Variants in NIPAL2 observed in about 807,000 individuals in gnomAD.
The protein encoded by NIPAL2 is NIPA like domain containing 2.
Under a neutral mutation model 48.9 loss-of-function variants are expected in NIPAL2, and 43 were observed. The ratio of observed to expected loss-of-function variants is 0.88; its 90% CI spans 0.69 to 1.13. NIPAL2 has a LOEUF of 1.13. NIPAL2 is among the 50% of genes most tolerant of loss of function. The pLI is 0.00. For synonymous variants in NIPAL2, 167 were observed against 174.6 expected, an observed-to-expected ratio of 0.96 and a Z score of 0.34; for missense variants, 446 against 461.4, an observed-to-expected ratio of 0.97 and a Z score of 0.31.
intron 1 of NIPAL2, among the ~76,000 whole-genome samples, chr8:98,282,731 A>G (rs1815916966): frequency 6.6e-6 from 1 of 152,168 alleles, no homozygotes; most frequent in South Asian, 2.1e-4. Flanking sequence ...ATTGGAGACA[A>G]TCTGAACTAC....
At position 98,191,821 on chromosome 8, in the gene NIPAL2, A is replaced by G. The variant is rs1586276153; in HGVS notation, c.*1157T>C. ...TGTGATGAATTGGAGTGGAAAAGCC[A>G]TTCAGGAAACAGGAGGACTTGGGCT... On this transcript the variant is annotated 3_prime_UTR_variant, in exon 11 of 11. Transcript: ENST00000430223. 6.6e-6 allele frequency: 1 copy of G among 152,344 alleles called. No homozygotes were observed. Among genetic ancestry groups the G allele is most frequent in the East Asian group, 1.9e-4 (1 of 5,188 alleles). 9.4% of individuals were successfully genotyped at this position (152,344 alleles called of 1,614,324 possible).
intron 1 of NIPAL2, among the ~76,000 whole-genome samples, chr8:98,264,911 T>C (rs1814610641): frequency 6.6e-6 from 1 of 151,014 alleles, no homozygotes; most frequent in Non-Finnish European, 1.5e-5. Flanking sequence ...CAAAACAGCA[T>C]GGTACTGGTA....
intron 5 of NIPAL2, among the ~76,000 whole-genome samples, chr8:98,217,681 C>T (rs941007079): frequency 1.3e-5 from 2 of 152,078 alleles, no homozygotes; most frequent in African/African-American, 2.4e-5. Context: ...AATTAGATTA[C>T]AAATGAATAT....
intron 1 of NIPAL2, among the ~76,000 whole-genome samples, chr8:98,262,583 C>A (rs1193479555): frequency 2.0e-5 from 3 of 150,340 alleles, no homozygotes; most frequent in African/African-American, 7.3e-5. Flanking sequence ...AGCTAACTAT[C>A]CTAAATATAT....
chr8:98,273,254 T>G (rs987580183), intron 1 of NIPAL2, among the ~76,000 whole-genome samples: 3 of 152,164 alleles, frequency 2.0e-5, no homozygotes, highest in Non-Finnish European at 2.9e-5. Context: ...AGTGGAAGAA[T>G]TCAGTAACAA....
intron 7 of NIPAL2, among the ~76,000 whole-genome samples, chr8:98,204,847 G>A (rs1011122931): frequency 6.6e-6 from 1 of 151,820 alleles, no homozygotes; most frequent in Non-Finnish European, 1.5e-5. Context: ...AAGCAGAAGA[G>A]CATCAGGAAA....
chr8:98,242,189 C>CT lies in NIPAL2; in HGVS notation c.377-5976dup, dbSNP rs201820079. Among the ~76,000 whole-genome samples, 142 of 151,904 alleles carry CT rather than the reference C, an allele frequency of 9.3e-4. 3 individuals are homozygous for CT. The East Asian group carries it at 0.018, about 19-fold the overall frequency. ...CCTAAAAGAGTAGATTTTAAAAGTT[C>CT]TTTTTTTTGAGACAGGGTCTCCTTC... On this transcript the variant is annotated intron_variant, in intron 3 of 10. Coordinates refer to ENST00000430223, the MANE Select transcript of NIPAL2 (RefSeq NM_001321635.2).
intron 2 of NIPAL2, among the ~76,000 whole-genome samples, chr8:98,253,047 C>T (rs545789579): frequency 2.0e-5 from 3 of 152,144 alleles, no homozygotes; most frequent in Non-Finnish European, 4.4e-5. Context: ...CTCCCTGTCC[C>T]TTGGTCATTC....
In NIPAL2 at chr8:98,253,985, T is replaced by A. The variant is rs559435924; in HGVS notation, c.204+34A>T. 5.5e-6 allele frequency: 8 copies of A among 1,465,520 alleles called. No homozygotes were observed. In the South Asian group the frequency reaches 9.2e-5, roughly 17 times the overall value. 90.8% of individuals were successfully genotyped at this position (1,465,520 alleles called of 1,614,324 possible). On this transcript the variant is annotated intron_variant, in intron 2 of 10. Transcript: ENST00000430223. ...GAGTCATAATGTGTCCCTGGATCAA[T>A]CTATAGTGTTAGAAAAATAAGCTTT...
At chr8:98,233,722 G>A (rs771133228) in intron 4 of NIPAL2, among the ~76,000 whole-genome samples, 14 of 152,180 alleles carry the variant, frequency 9.2e-5, no homozygotes, top group Non-Finnish European at 1.3e-4. Context: ...AAAATAAACT[G>A]TACATATTGA....
intron 1 of NIPAL2, among the ~76,000 whole-genome samples, chr8:98,272,499 G>T (rs747832595): frequency 6.6e-6 from 1 of 151,984 alleles, no homozygotes; most frequent in Non-Finnish European, 1.5e-5. Flanking sequence ...TATTAGAAAT[G>T]GCCTATTATT....
chr8:98,198,860 T>A (rs1321828971), intron 8 of NIPAL2, among the ~76,000 whole-genome samples: 1 of 152,240 alleles, frequency 6.6e-6, no homozygotes, highest in Non-Finnish European at 1.5e-5. Flanking sequence ...TTCCTTTATA[T>A]CAGTGATAAG....
At chr8:98,280,696 G>C (rs1359808727) in intron 1 of NIPAL2, among the ~76,000 whole-genome samples, 1 of 139,226 alleles carries the variant, frequency 7.2e-6, no homozygotes, top group East Asian at 2.2e-4. Context: ...TAGGGGTAAA[G>C]ATTTATAACA....
intron 1 of NIPAL2, among the ~76,000 whole-genome samples, chr8:98,292,742 T>A (rs1373313086): frequency 6.6e-6 from 1 of 151,368 alleles, no homozygotes; most frequent in South Asian, 2.1e-4. Context: ...TTTTTTTTTT[T>A]AATCAAGAGG....
chr8:98,206,680 C>T (rs1439061756), intron 6 of NIPAL2, among the ~76,000 whole-genome samples: 2 of 150,104 alleles, frequency 1.3e-5, no homozygotes, highest in African/African-American at 2.5e-5. Context: ...CCCAGCTACT[C>T]GGGAGGCTGA....
intron 1 of NIPAL2, among the ~76,000 whole-genome samples, chr8:98,280,757 T>TAGAGAGAGAGAGAG (rs1225269994): frequency 2.4e-4 from 7 of 29,314 alleles, no homozygotes; most frequent in Admixed American, 4.1e-4. Flanking sequence ...TATATATATA[T>TAGAGAGAGAGAGAG]ATATAGAGAG....
intron 1 of NIPAL2, among the ~76,000 whole-genome samples, chr8:98,259,070 C>CTTTTTT (rs869220202): frequency 7.6e-4 from 32 of 41,862 alleles, no homozygotes; most frequent in East Asian, 1.7e-3. Flanking sequence ...TTAAATATTC[C>CTTTTTT]TTTTTTTTTT....
rs866731545 is a variant in NIPAL2 at position 98,191,659 on chromosome 8, T to G, written c.*1319A>C. The G allele has an allele frequency of 6.6e-6, 1 of 152,260 alleles. No homozygotes were observed. The highest frequency in any genetic ancestry group is 2.4e-5 in the African/African-American group (1 of 41,474). The allele number at this position is 152,260 out of a possible 1,614,324, so 9.4% of individuals were successfully genotyped here. On this transcript the variant is annotated 3_prime_UTR_variant, in exon 11 of 11. Coordinates refer to ENST00000430223, the MANE Select transcript of NIPAL2 (RefSeq NM_001321635.2). Reference sequence around the variant, plus strand: ...CAGAAGTGATCTGAAGGCTTTGAAATGTCATTAAGGGTGGGACTTATTGTT... The same window carrying G: ...CAGAAGTGATCTGAAGGCTTTGAAAGGTCATTAAGGGTGGGACTTATTGTT...
At chr8:98,218,891 G>GTACC (rs758326321) in intron 5 of NIPAL2, among the ~76,000 whole-genome samples, 8 of 152,196 alleles carry the variant, frequency 5.3e-5, no homozygotes, top group Non-Finnish European at 1.0e-4. Flanking sequence ...GGAGGAGCTT[G>GTACC]TACCAGTGTT....
Sources: gnomAD v4.1 joint callset for allele counts (sites outside exome capture counted in the v4.1 genomes callset) on GRCh38, gnomAD v4.1.1 for gene constraint, MANE v1.5 for transcripts, NCBI Gene and HGNC (gene_info 2026-07-23, HGNC 2026-07-21) for gene names.